NKAIN4: variants seen among roughly 807,000 people sequenced by gnomAD.
NKAIN4 encodes the protein sodium/potassium-transporting ATPase subunit beta-1-interacting protein 4.
A neutral mutation model predicts 28.8 loss-of-function variants in NKAIN4; 28 were observed. That is an observed-to-expected ratio of 0.97 (90% CI 0.72 to 1.33). The LOEUF (loss-of-function observed/expected upper bound fraction) is 1.33. Ranked by LOEUF, NKAIN4 falls within the 40% of genes most tolerant of loss-of-function variation. NKAIN4 has a pLI of 0.00. For missense variants in NKAIN4, 289 were observed against 277.2 expected (o/e 1.04, Z -0.30); for synonymous variants, 122 against 115.6 (o/e 1.06, Z -0.36).
At chr20:63,250,196 C>A in intron 1 of NKAIN4, 124 bp from the exon 2 acceptor site, 3 of 1,145,458 alleles carry the variant, frequency 2.6e-6, no homozygotes, top group Non-Finnish European at 3.6e-6. Flanking sequence ...CCCACCACAC[C>A]TTTGTTTGAC....
Position 63,245,733 on chromosome 20 carries a change from C to A in NKAIN4, c.472-1649G>T, listed in dbSNP as rs537252584. Among the ~76,000 whole-genome samples the A allele has an allele frequency of 6.6e-6, 1 of 152,082 alleles. No individual in the cohort carries two copies. The highest frequency in any genetic ancestry group is 1.5e-5 in the Non-Finnish European group (1 of 68,026). On this transcript the variant is annotated intron_variant, in intron 4 of 6. Transcript: ENST00000370316. The surrounding 1 kb of genome is among the most constrained non-coding windows in gnomAD (Gnocchi z 4.7). ...GACCCTCCAAAGCAAACAGCAGGGG[C>A]GAGATCCTAGCGAGGACTAGCTGGC...
chr20:63,253,379 C>T, intron 1 of NKAIN4: 6 of 985,358 alleles, frequency 6.1e-6, no homozygotes, highest in Non-Finnish European at 7.2e-6. Flanking sequence ...TCCCTAGGTC[C>T]GCCCGCAAGC....
At position 63,252,537 on chromosome 20, in the gene NKAIN4, G is replaced by A. The variant is rs77074210; in HGVS notation, c.54+1860C>T. Among the ~76,000 whole-genome samples, 2,397 of 152,136 alleles carry A rather than the reference G, an allele frequency of 0.016. 28 individuals carry two copies. The highest frequency in any genetic ancestry group is 0.025 in the Non-Finnish European group (1,671 of 67,974). ...CTACCCCCATGCAGTGACTAGAGCT[G>A]TGGTCAAGGACTCTTCTTCCCCAAG... On this transcript the variant is annotated intron_variant, in intron 1 of 6. Coordinates refer to ENST00000370316, the MANE Select transcript of NKAIN4 (RefSeq NM_152864.4). This position sits in a 1 kb window ranked among gnomAD's most constrained non-coding sequence, Gnocchi z 4.6.
At chr20:63,254,207 G>A (rs2067011984) in intron 1 of NKAIN4, 190 bp downstream of exon 1, 8 of 470,008 alleles carry the variant, frequency 1.7e-5, no homozygotes, top group Admixed American at 4.6e-5. Context: ...ACCCGGCGCC[G>A]CGACTCCCCA....
intron 5 of NKAIN4, among the ~76,000 whole-genome samples, chr20:63,243,259 A>G (rs553527311): frequency 1.3e-5 from 2 of 152,044 alleles, no homozygotes; most frequent in African/African-American, 4.8e-5. Context: ...GGCGCTGGGG[A>G]CCGAGGCTCT....
intron 3 of NKAIN4, 106 bp from the exon 4 acceptor site, chr20:63,247,881 G>A: frequency 7.4e-7 from 1 of 1,360,488 alleles, no homozygotes; most frequent in South Asian, 2.0e-5. Context: ...GGGAGGTCCT[G>A]TCCTCTCACC....
rs557995901 is a variant in NKAIN4, at chr20:63,250,491, G to A, written c.55-419C>T. Among the ~76,000 whole-genome samples the A allele has an allele frequency of 1.0e-3, 152 of 152,204 alleles. 1 individual carries two copies. The highest frequency in any genetic ancestry group is 2.0e-3 in the Non-Finnish European group (135 of 68,010). ...ACACACAGCCCAGAAAACGCCACTC[G>A]GGGGGGTCGGATGGCCGGGAGGGAC... On this transcript the variant is annotated intron_variant, in intron 1 of 6. Coordinates refer to ENST00000370316, the MANE Select transcript of NKAIN4 (RefSeq NM_152864.4).
In NKAIN4 at chr20:63,249,998, G is replaced by A. The variant is rs777492255; in HGVS notation, c.129C>T (p.His43=). 3 of 1,612,802 alleles carry A rather than the reference G, an allele frequency of 1.9e-6. No individual in the cohort carries two copies. Among genetic ancestry groups the A allele is most frequent in the Admixed American group, 3.3e-5 (2 of 59,942 alleles). The change falls in exon 2 of 7, where the codon CAC becomes CAT. Residue 43 remains histidine (H), a synonymous_variant. Coordinates refer to ENST00000370316, the MANE Select transcript of NKAIN4 (RefSeq NM_152864.4). ...AGAGTCCCAGGATGACGATGATGAT[G>A]TGGACAAAGTTGGCCAGGATGGGCG... The part of the protein sequence containing the change: ...QWAPILANFV[H]IIIVILGLFG...
At chr20:63,242,679 G>C in intron 5 of NKAIN4, 56 bp from the exon 6 acceptor site, 2 of 1,431,254 alleles carry the variant, frequency 1.4e-6, no homozygotes, top group Non-Finnish European at 2.0e-6. Flanking sequence ...AAAGATGTCA[G>C]AGTGGAAAAC....
At chr20:63,253,520 C>T in intron 1 of NKAIN4, 1 of 985,508 alleles carries the variant, frequency 1.0e-6, no homozygotes, top group Non-Finnish European at 1.2e-6. Flanking sequence ...GGCGCGCGGT[C>T]CAGCTGCGCT....
chr20:63,241,269 T>G lies in NKAIN4; in HGVS notation c.*228A>C, dbSNP rs1488564692. The G allele has an allele frequency of 1.8e-6, 1 of 543,312 alleles. No individual in the cohort carries two copies. Among genetic ancestry groups the G allele is most frequent in the African/African-American group, 2.0e-5 (1 of 51,096 alleles). The allele number at this position is 543,312 out of a possible 1,614,324, so 33.7% of individuals were successfully genotyped here. On this transcript the variant is annotated 3_prime_UTR_variant, in exon 7 of 7. Transcript: ENST00000370316. Reference sequence around the variant, plus strand: ...TCTTTTGTATGTTTTCTTTTCTTTTTTTTTTTTAAGAGAAAGGAAATTACA... The same window carrying G: ...TCTTTTGTATGTTTTCTTTTCTTTTGTTTTTTTAAGAGAAAGGAAATTACA...
chr20:63,243,926 T>G, intron 5 of NKAIN4, 98 bp downstream of exon 5: 1 of 993,496 alleles, frequency 1.0e-6, no homozygotes, highest in Non-Finnish European at 1.5e-6. Flanking sequence ...CCCTTCCAAG[T>G]GGGGAGGTCT....
At chr20:63,254,200 C>A (rs767750832) in intron 1 of NKAIN4, 197 bp downstream of exon 1, 1 of 460,490 alleles carries the variant, frequency 2.2e-6, no homozygotes, top group Non-Finnish European at 3.7e-6. Flanking sequence ...GGACGGGACC[C>A]GGCGCCGCGA....
chr20:63,242,483 G>A (rs2066773176), intron 6 of NKAIN4, 56 bp downstream of exon 6: 13 of 1,278,674 alleles, frequency 1.0e-5, no homozygotes, highest in Non-Finnish European at 1.5e-5. Flanking sequence ...GCCTCTCGCT[G>A]TGAGGGCCAG....
chr20:63,241,279 G>T lies in NKAIN4; in HGVS notation c.*218C>A. ...GTTTTCTTTTCTTTTTTTTTTTTAA[G>T]AGAAAGGAAATTACAAACTCTCTTG... On this transcript the variant is annotated 3_prime_UTR_variant, in exon 7 of 7. Coordinates refer to ENST00000370316, the MANE Select transcript of NKAIN4 (RefSeq NM_152864.4). The T allele has an allele frequency of 1.9e-6, 1 of 522,446 alleles. No individual in the cohort carries two copies. The highest frequency in any genetic ancestry group is 3.4e-6 in the Non-Finnish European group (1 of 294,014). 32.4% of individuals were successfully genotyped at this position (522,446 alleles called of 1,614,324 possible).
chr20:63,253,835 G>GGGGGCGGC (rs1555813997), intron 1 of NKAIN4: 2 of 151,824 alleles, frequency 1.3e-5, no homozygotes, highest in South Asian at 2.0e-4. Context: ...CGGGCGGAAT[G>GGGGGCGGC]GGGGGCGGCG....
intron 5 of NKAIN4, 42 bp from the exon 6 acceptor site, chr20:63,242,665 T>C (rs773933386): frequency 5.4e-6 from 8 of 1,479,556 alleles, no homozygotes; most frequent in Middle Eastern, 1.7e-4. Flanking sequence ...ACCTACACAA[T>C]GGAAAAGATG....
intron 2 of NKAIN4, 200 bp from the exon 3 acceptor site, chr20:63,249,095 G>C (rs143272460): frequency 2.2e-4 from 126 of 564,264 alleles, no homozygotes; most frequent in African/African-American, 2.1e-3. Flanking sequence ...GCTTTCCCAC[G>C]TGGGTGCCCC....
rs376589779 is a variant in NKAIN4 at position 63,245,967 on chromosome 20, A to C, written c.471+1611T>G. Among the ~76,000 whole-genome samples the C allele has an allele frequency of 3.4e-5, 5 of 146,752 alleles. No homozygotes were observed. Among genetic ancestry groups the C allele is most frequent in the Non-Finnish European group, 6.0e-5 (4 of 67,158 alleles). On this transcript the variant is annotated intron_variant, in intron 4 of 6. Transcript: ENST00000370316. This position sits in a 1 kb window ranked among gnomAD's most constrained non-coding sequence, Gnocchi z 4.7. The stretch of plus-strand genomic sequence containing the variant: ...TTTTGAGACAGAGTCTCGCTCTGTC[A>C]CCCAGGCTGGAGTGCAGTGGCGTGA...
Sources: allele counts gnomAD v4.1 joint callset (sites outside exome capture counted in the v4.1 genomes callset), GRCh38; gene constraint gnomAD v4.1.1; non-coding constraint Gnocchi (gnomAD v3.1); transcripts MANE v1.5; gene names NCBI Gene and HGNC (gene_info 2026-07-23, HGNC 2026-07-21).